The following MRC1 variants were observed in gnomAD, a reference collection of about 807,000 sequenced individuals.
The protein encoded by MRC1 is macrophage mannose receptor 1.
A neutral mutation model predicts 102.9 loss-of-function variants in MRC1; 62 were observed. That is an observed-to-expected ratio of 0.60 (90% CI 0.49 to 0.74). The LOEUF (loss-of-function observed/expected upper bound fraction) is 0.74, where lower values mean the gene tolerates loss of function less well. MRC1 is among the 30% of genes least tolerant of loss of function. MRC1 has a pLI of 0.00. For synonymous variants in MRC1, 457 were observed against 298.4 expected, an observed-to-expected ratio of 1.53 and a Z score of -5.48; for missense variants, 1,237 against 862.8, an observed-to-expected ratio of 1.43 and a Z score of -5.43.
At chr10:17,840,969 T>G (rs692520) in intron 5 of MRC1, among the ~76,000 whole-genome samples, 163 bp downstream of exon 5, 1 of 152,150 alleles carries the variant, frequency 6.6e-6, no homozygotes, top group Non-Finnish European at 1.5e-5. Context: ...AGATTTCCAT[T>G]TACTGAATTG....
At chr10:17,811,592 A>G (rs965312799) in intron 1 of MRC1, among the ~76,000 whole-genome samples, 5 of 151,600 alleles carry the variant, frequency 3.3e-5, no homozygotes, top group Non-Finnish European at 7.4e-5. Flanking sequence ...GACTGGTTTC[A>G]CTCTGTCACC....
intron 6 of MRC1, among the ~76,000 whole-genome samples, chr10:17,846,655 T>G (rs1323212623): frequency 6.6e-6 from 1 of 152,222 alleles, no homozygotes; most frequent in Non-Finnish European, 1.5e-5. Context: ...TTTATAATTA[T>G]TTTTGTTTCA....
chr10:17,879,977 G>T (rs1372186983), intron 19 of MRC1, among the ~76,000 whole-genome samples, 156 bp downstream of exon 19: 2 of 152,176 alleles, frequency 1.3e-5, no homozygotes, highest in African/African-American at 4.8e-5. Context: ...AGTTCAACTT[G>T]TAACGAGAAT....
At position 17,900,832 on chromosome 10, in the gene MRC1, C is replaced by T. The variant is rs1258004953; in HGVS notation, c.3528C>T (p.Tyr1176=). 6.4e-6 allele frequency: 5 copies of T among 780,626 alleles called. No individual in the cohort carries two copies. In the Admixed American group the frequency reaches 8.5e-5, roughly 13 times the overall value. The allele number at this position is 780,626 out of a possible 1,614,324, so 48.4% of individuals were successfully genotyped here. The change falls in exon 25 of 30, where the codon TAC becomes TAT. Residue 1176 remains tyrosine (Y), a synonymous_variant. Coordinates refer to ENST00000569591, the MANE Select transcript of MRC1 (RefSeq NM_002438.4). The stretch of plus-strand genomic sequence containing the variant: ...GGACTGATAAGTGGAGGGTGAGGTA[C>T]ACTAACTGGGCTGCTGATGAGCCCA... ...YTWTDKWRVR[Y]TNWAADEPKL... is the part of the protein sequence containing the mutation.
chr10:17,886,716 A>G (rs921306600), intron 22 of MRC1, among the ~76,000 whole-genome samples: 1 of 152,162 alleles, frequency 6.6e-6, no homozygotes, highest in Non-Finnish European at 1.5e-5. Flanking sequence ...TTTTGTTTCA[A>G]TAAATTTAAA....
rs955962062 is a variant in MRC1 at position 17,819,702 on chromosome 10, G to A, written c.62-3372G>A. Among the ~76,000 whole-genome samples, 344 of 152,236 alleles carry A rather than the reference G, an allele frequency of 2.3e-3. 2 individuals are homozygous for A. Among genetic ancestry groups the A allele is most frequent in the African/African-American group, 7.5e-3 (310 of 41,528 alleles). ...CCATGCCTGTAATCTCAGCACTTTG[G>A]GAGGCCGAGGCAGGAGGATCACTTG... On this transcript the variant is annotated intron_variant, in intron 1 of 29. Transcript: ENST00000569591.
chr10:17,884,705 A>G (rs1833566108), intron 21 of MRC1, among the ~76,000 whole-genome samples: 1 of 152,232 alleles, frequency 6.6e-6, no homozygotes, highest in African/African-American at 2.4e-5. Context: ...CCATGATTCA[A>G]TTACCTTCAC....
At chr10:17,857,840 T>C (rs1833118394) in intron 9 of MRC1, among the ~76,000 whole-genome samples, 1 of 152,226 alleles carries the variant, frequency 6.6e-6, no homozygotes, top group Non-Finnish European at 1.5e-5. Context: ...ACCTGGGATT[T>C]AATTTTCAAT....
intron 18 of MRC1, among the ~76,000 whole-genome samples, chr10:17,879,254 T>C (rs959234191): frequency 9.2e-5 from 14 of 152,192 alleles, no homozygotes; most frequent in African/African-American, 3.1e-4. Context: ...GCATGATGCA[T>C]AGGACACACC....
intron 1 of MRC1, among the ~76,000 whole-genome samples, chr10:17,821,924 A>C (rs1229180323): frequency 6.6e-6 from 1 of 152,238 alleles, no homozygotes; most frequent in Admixed American, 6.5e-5. Context: ...AAATTTCACA[A>C]GATGTGTTTA....
chr10:17,848,721 C>T (rs1200451134), intron 6 of MRC1, among the ~76,000 whole-genome samples: 3 of 152,068 alleles, frequency 2.0e-5, no homozygotes, highest in South Asian at 2.1e-4. Context: ...TGTGACTTGC[C>T]GAAGATCACA....
At chr10:17,856,901 G>A (rs1345638337) in intron 9 of MRC1, among the ~76,000 whole-genome samples, 5 of 152,282 alleles carry the variant, frequency 3.3e-5, no homozygotes, top group African/African-American at 1.2e-4. Flanking sequence ...GGTACCCACG[G>A]TAACTCAGTG....
intron 5 of MRC1, among the ~76,000 whole-genome samples, chr10:17,844,338 C>G (rs1260152410): frequency 7.2e-5 from 11 of 152,248 alleles, no homozygotes; most frequent in African/African-American, 2.6e-4. Context: ...CCTGCCTCAG[C>G]CTCCCAAGTA....
chr10:17,815,976 G>A (rs1000668061), intron 1 of MRC1, among the ~76,000 whole-genome samples: 3 of 152,060 alleles, frequency 2.0e-5, no homozygotes, highest in Non-Finnish European at 4.4e-5. Context: ...GGGCATGTGC[G>A]ACCACATAGG....
At chr10:17,857,717 A>G (rs1158851399) in intron 9 of MRC1, among the ~76,000 whole-genome samples, 4 of 152,224 alleles carry the variant, frequency 2.6e-5, no homozygotes, top group African/African-American at 9.6e-5. Flanking sequence ...AAATCCACTC[A>G]TCAACAAAGG....
intron 5 of MRC1, 45 bp from the exon 6 acceptor site, chr10:17,845,244 G>T (rs1554840138): frequency 1.3e-6 from 1 of 780,616 alleles, no homozygotes; most frequent in African/African-American, 1.7e-5. Context: ...CTATCTGCTG[G>T]GAATAGCTAT....
chr10:17,840,571 C>T, intron 4 of MRC1, 122 bp from the exon 5 acceptor site: 2 of 713,812 alleles, frequency 2.8e-6, no homozygotes, highest in South Asian at 3.2e-5. Context: ...ACATGGTAGG[C>T]ATGATTATTG....
intron 3 of MRC1, among the ~76,000 whole-genome samples, chr10:17,831,197 T>C (rs1183553743): frequency 2.0e-5 from 3 of 151,018 alleles, no homozygotes; most frequent in African/African-American, 7.4e-5. Flanking sequence ...GCCCGCATTT[T>C]CTACCATATT....
At chr10:17,869,591 T>C (rs1385280752) in intron 12 of MRC1, among the ~76,000 whole-genome samples, 2 of 152,176 alleles carry the variant, frequency 1.3e-5, no homozygotes, top group Non-Finnish European at 2.9e-5. Context: ...TTCTCTGCAG[T>C]CCTCTGGATA....
Sources: allele counts gnomAD v4.1 joint callset (sites outside exome capture counted in the v4.1 genomes callset), GRCh38; gene constraint gnomAD v4.1.1; transcripts MANE v1.5; gene names NCBI Gene and HGNC (gene_info 2026-07-23, HGNC 2026-07-21).